Variants in GNG2 observed in about 807,000 individuals in gnomAD.
The protein encoded by GNG2 is G protein subunit gamma 2, also known as guanine nucleotide-binding protein G(I)/G(S)/G(O) subunit gamma-2.
Under a neutral mutation model 5.5 loss-of-function variants are expected in GNG2, and 5 were observed. The ratio of observed to expected loss-of-function variants is 0.91; its 90% CI spans 0.48 to 1.92. The LOEUF (loss-of-function observed/expected upper bound fraction) is 1.92. GNG2 is among the 30% of genes most tolerant of loss of function. The probability of loss-of-function intolerance (pLI) is 0.01; values close to 1 mark genes in which losing one functional copy is unlikely to be tolerated. For missense variants in GNG2, 55 were observed against 88.4 expected, an observed-to-expected ratio of 0.62 and a Z score of 1.52; for synonymous variants, 28 against 32.0, an observed-to-expected ratio of 0.88 and a Z score of 0.42.
At position 51,966,750 on chromosome 14, in the gene GNG2, A is replaced by G; in HGVS notation, c.*63A>G. On this transcript the variant is annotated 3_prime_UTR_variant, in exon 4 of 4. Transcript: ENST00000556766. Reference sequence around the variant, plus strand: ...GGACATTGATGTAGAGTTTTTAGTGAAGTGGGCACCTTTCTAGTCCACGGC... The same window carrying G: ...GGACATTGATGTAGAGTTTTTAGTGGAGTGGGCACCTTTCTAGTCCACGGC... 7.1e-7 allele frequency: 1 copy of G among 1,418,310 alleles called. No individual in the cohort carries two copies. 87.9% of individuals were successfully genotyped at this position (1,418,310 alleles called of 1,614,324 possible).
chr14:51,916,510 G>GA (rs11322270), intron 2 of GNG2: 6,738 of 387,254 alleles, frequency 0.017, no homozygotes, highest in East Asian at 0.028. Context: ...AAATAATCCT[G>GA]AAAAAAAAAA....
In GNG2 at chr14:51,966,551, C is replaced by T. The variant is rs775680601; in HGVS notation, c.88-8C>T. The stretch of plus-strand genomic sequence containing the variant: ...TCCAGTGTTGGTTGTTTTTGTCTCC[C>T]TTTCCAGGTGTCCAAGGCAGCTGCA... On this transcript the variant is annotated splice_polypyrimidine_tract_variant and splice_region_variant and intron_variant, in intron 3 of 3. Transcript: ENST00000556766. The T allele has an allele frequency of 1.2e-6, 2 of 1,613,524 alleles. No individual in the cohort carries two copies. Among genetic ancestry groups the T allele is most frequent in the Non-Finnish European group, 1.7e-6 (2 of 1,179,470 alleles).
At chr14:51,888,231 A>G in intron 2 of GNG2, among the ~76,000 whole-genome samples, 1 of 152,260 alleles carries the variant, frequency 6.6e-6, no homozygotes, top group East Asian at 1.9e-4. Flanking sequence ...ATTCTTGGGT[A>G]GTATTCTATT....
chr14:51,889,043 T>C (rs1884652109), intron 2 of GNG2, among the ~76,000 whole-genome samples: 1 of 150,802 alleles, frequency 6.6e-6, no homozygotes, highest in Non-Finnish European at 1.5e-5. Context: ...GGTAGATTAG[T>C]GGTTTCAGAC....
In GNG2 at chr14:51,932,246, C is replaced by CAA. The variant is rs781725794; in HGVS notation, c.-29-18379_-29-18378dup. On this transcript the variant is annotated intron_variant, in intron 2 of 3. Coordinates refer to ENST00000556766, the MANE Select transcript of GNG2 (RefSeq NM_053064.5). ...TGGGCAACAGAGCAAGACTCTGTCTCAAAAAAAAAAAAAAAAAAAAAAAAA... is the reference window on the plus strand; with the variant it reads ...TGGGCAACAGAGCAAGACTCTGTCTCAAAAAAAAAAAAAAAAAAAAAAAAAAA... 6.7e-3 allele frequency among the ~76,000 whole-genome samples: 156 copies of CAA among 23,138 alleles called. 7 individuals are homozygous for CAA. The highest frequency in any genetic ancestry group is 8.8e-3 in the Non-Finnish European group (108 of 12,206). 15.2% of individuals were successfully genotyped at this position (23,138 alleles called of 152,430 possible). A position where few individuals can be genotyped will look rare whatever the true frequency, so the allele number is the denominator to read the frequency against.
intron 2 of GNG2, chr14:51,916,364 C>T (rs1886620626): frequency 2.4e-6 from 1 of 417,552 alleles, no homozygotes; most frequent in Non-Finnish European, 4.7e-6. Flanking sequence ...GAGAATAGTG[C>T]ACCGTTGGCA....
At chr14:51,860,076 G>A (rs1457147420), upstream of GNG2, among the ~76,000 whole-genome samples, 1 of 152,094 alleles carries the variant, frequency 6.6e-6, no homozygotes. Context: ...TGGCCACAGA[G>A]AAAAATGCTG....
intron 2 of GNG2, among the ~76,000 whole-genome samples, chr14:51,914,535 G>A (rs1039020800): frequency 9.9e-5 from 15 of 152,186 alleles, no homozygotes; most frequent in Non-Finnish European, 2.1e-4. Flanking sequence ...CGGCAGTTTT[G>A]TATCTATTTA....
chr14:51,929,707 A>G (rs954573303), intron 2 of GNG2, among the ~76,000 whole-genome samples: 1 of 152,040 alleles, frequency 6.6e-6, no homozygotes, highest in Admixed American at 6.6e-5. Context: ...TTAAGGATGA[A>G]ATAAAACTGA....
intron 1 of GNG2, among the ~76,000 whole-genome samples, chr14:51,871,594 G>A (rs1382414896): frequency 6.6e-6 from 1 of 152,218 alleles, no homozygotes; most frequent in South Asian, 2.1e-4. Context: ...TGTTTATTTA[G>A]CAAGGTGCCT....
chr14:51,862,439 C>T lies in GNG2; in HGVS notation c.-71+1649C>T, dbSNP rs375108615. 7.2e-5 allele frequency among the ~76,000 whole-genome samples: 11 copies of T among 152,320 alleles called. No individual in the cohort carries two copies. In the East Asian group the frequency reaches 9.6e-4, roughly 13 times the overall value. On this transcript the variant is annotated intron_variant, in intron 1 of 3. Coordinates refer to ENST00000556766, the MANE Select transcript of GNG2 (RefSeq NM_053064.5). ...AGAGAAGAGACCTAGGATAGATCTT[C>T]GATCCAGAATGACCCAGTGGAGTTC...
chr14:51,858,796 C>T (rs1882282757), upstream of GNG2, among the ~76,000 whole-genome samples: 1 of 152,194 alleles, frequency 6.6e-6, no homozygotes, highest in Non-Finnish European at 1.5e-5. Flanking sequence ...CTCACTACTG[C>T]ATTTCTATCT....
chr14:51,891,905 C>T lies in GNG2; in HGVS notation c.-30+14248C>T, dbSNP rs535492631. On this transcript the variant is annotated intron_variant, in intron 2 of 3. Coordinates refer to ENST00000556766, the MANE Select transcript of GNG2 (RefSeq NM_053064.5). ...GCTGTGTGCATTCTGTTCATGTCTCCTGGTTCACATTCAGGAGTTTTTCTA... is the reference window on the plus strand; with the variant it reads ...GCTGTGTGCATTCTGTTCATGTCTCTTGGTTCACATTCAGGAGTTTTTCTA... Among the ~76,000 whole-genome samples the T allele has an allele frequency of 2.0e-5, 3 of 152,294 alleles. No homozygotes were observed. In the South Asian group the frequency reaches 6.2e-4, roughly 32 times the overall value.
At chr14:51,889,082 G>A (rs1884655468) in intron 2 of GNG2, among the ~76,000 whole-genome samples, 1 of 150,438 alleles carries the variant, frequency 6.6e-6, no homozygotes, top group African/African-American at 2.4e-5. Context: ...GGAAGGAGAA[G>A]TGACTGCTAA....
chr14:51,854,446 C>T (rs1882054622), intron 2 of GNG2, among the ~76,000 whole-genome samples: 1 of 152,146 alleles, frequency 6.6e-6, no homozygotes. Context: ...GTCAAACTCT[C>T]TCTGGGCACA....
chr14:51,875,854 A>C (rs1167055665), intron 1 of GNG2, among the ~76,000 whole-genome samples: 5 of 151,590 alleles, frequency 3.3e-5, no homozygotes, highest in African/African-American at 1.2e-4. Flanking sequence ...ATTTTAAGTT[A>C]CTTTTTAAAG....
intron 2 of GNG2, among the ~76,000 whole-genome samples, chr14:51,931,413 C>G (rs191620541): frequency 6.6e-6 from 1 of 152,140 alleles, no homozygotes; most frequent in Non-Finnish European, 1.5e-5. Flanking sequence ...GTGAGAGGCG[C>G]TCATTCACAT....
intron 2 of GNG2, among the ~76,000 whole-genome samples, chr14:51,896,481 G>A (rs1566671564): frequency 6.6e-6 from 1 of 152,116 alleles, no homozygotes; most frequent in Non-Finnish European, 1.5e-5. Context: ...TCCAAAAATT[G>A]AGAATGAGAT....
chr14:51,953,239 T>C (rs763367927), intron 3 of GNG2, among the ~76,000 whole-genome samples: 16 of 152,244 alleles, frequency 1.1e-4, no homozygotes, highest in Non-Finnish European at 1.6e-4. Context: ...CATTTACTTA[T>C]ATAATAAATA....
Sources: allele counts gnomAD v4.1 joint callset (sites outside exome capture counted in the v4.1 genomes callset), GRCh38; gene constraint gnomAD v4.1.1; transcripts MANE v1.5; gene names NCBI Gene and HGNC (gene_info 2026-07-23, HGNC 2026-07-21).